Variants in DAB1 observed in about 807,000 individuals in gnomAD.
DAB1 encodes DAB adaptor protein 1.
A neutral mutation model predicts 64.6 loss-of-function variants in DAB1; 15 were observed. The observed-to-expected ratio is 0.23, with a 90% confidence interval of 0.16 to 0.36. The LOEUF (loss-of-function observed/expected upper bound fraction) is 0.36. DAB1 is among the 10% of genes least tolerant of loss of function. The pLI, the probability that DAB1 is intolerant of heterozygous loss-of-function variation, is 1.00. For missense variants in DAB1, 596 were observed against 706.7 expected, an observed-to-expected ratio of 0.84 and a Z score of 1.78; for synonymous variants, 235 against 251.9, an observed-to-expected ratio of 0.93 and a Z score of 0.64.
chr1:57,596,921 C>A (rs1263510843), intron 7 of DAB1, among the ~76,000 whole-genome samples: 2 of 152,160 alleles, frequency 1.3e-5, no homozygotes, highest in Non-Finnish European at 2.9e-5. Context: ...TACTAATTAC[C>A]AATGTTTACA....
chr1:57,077,220 T>A (rs1386999286), intron 4 of DAB1, among the ~76,000 whole-genome samples: 1 of 152,152 alleles, frequency 6.6e-6, no homozygotes, highest in East Asian at 1.9e-4. Context: ...GGCAGCTAGG[T>A]TCTGAGAACA....
At chr1:58,331,475 G>A (rs566509515) in intron 4 of DAB1, among the ~76,000 whole-genome samples, 10 of 152,330 alleles carry the variant, frequency 6.6e-5, no homozygotes, top group African/African-American at 2.4e-4. Flanking sequence ...TATACTGTGA[G>A]TAACATGCTA....
At chr1:58,126,532 T>G (rs1045503240) in intron 5 of DAB1, among the ~76,000 whole-genome samples, 11 of 151,982 alleles carry the variant, frequency 7.2e-5, no homozygotes, top group East Asian at 3.9e-4. Context: ...TGTATACATG[T>G]GCCATGCTGG....
intron 5 of DAB1, among the ~76,000 whole-genome samples, chr1:58,058,059 G>A (rs916351064): frequency 1.3e-5 from 2 of 152,068 alleles, no homozygotes; most frequent in African/African-American, 4.8e-5. Context: ...TTATATGACT[G>A]GTTGTAACAC....
At chr1:58,066,331 C>A (rs1470387283) in intron 5 of DAB1, among the ~76,000 whole-genome samples, 2 of 152,114 alleles carry the variant, frequency 1.3e-5, no homozygotes, top group Non-Finnish European at 2.9e-5. Flanking sequence ...TTCAGCATGG[C>A]CTGTGGTTTG....
chr1:58,152,589 A>C (rs1010877021), intron 4 of DAB1, among the ~76,000 whole-genome samples: 4 of 152,204 alleles, frequency 2.6e-5, no homozygotes, highest in African/African-American at 9.6e-5. Flanking sequence ...CTGTCACACA[A>C]GGTTATCATT....
chr1:58,176,212 G>C (rs1435777057), intron 4 of DAB1, among the ~76,000 whole-genome samples: 2 of 152,066 alleles, frequency 1.3e-5, no homozygotes. Context: ...CTTTACATAG[G>C]TGAAGAAAAC....
intron 1 of DAB1, among the ~76,000 whole-genome samples, chr1:57,392,285 A>G (rs988479515): frequency 1.3e-5 from 2 of 152,054 alleles, no homozygotes; most frequent in African/African-American, 4.8e-5. Flanking sequence ...AGGCAGGAGA[A>G]TTGCTTGAAC....
chr1:57,563,861 G>A (rs1645083765), intron 7 of DAB1, among the ~76,000 whole-genome samples: 1 of 152,198 alleles, frequency 6.6e-6, no homozygotes, highest in African/African-American at 2.4e-5. Context: ...CCATCTCTGG[G>A]GGCAGGGCAT....
At chr1:58,343,920 A>G (rs2100507892) in intron 3 of DAB1, among the ~76,000 whole-genome samples, 1 of 152,354 alleles carries the variant, frequency 6.6e-6, no homozygotes, top group East Asian at 1.9e-4. Context: ...GGACTCTGTG[A>G]GAGCACAGAA....
chr1:57,691,943 G>A (rs1646769491), intron 6 of DAB1, among the ~76,000 whole-genome samples: 1 of 152,068 alleles, frequency 6.6e-6, no homozygotes, highest in South Asian at 2.1e-4. Flanking sequence ...TGGGTGTCAG[G>A]CTTTCTGGGA....
At chr1:58,020,255 T>G (rs1646797329) in intron 5 of DAB1, among the ~76,000 whole-genome samples, 1 of 152,212 alleles carries the variant, frequency 6.6e-6, no homozygotes, top group South Asian at 2.1e-4. Context: ...AGCTCTCTTC[T>G]TTTTACTTCA....
chr1:57,951,114 A>G (rs1253656851), intron 5 of DAB1, among the ~76,000 whole-genome samples: 6 of 151,816 alleles, frequency 4.0e-5, no homozygotes, highest in Non-Finnish European at 8.8e-5. Context: ...AATTTATTAG[A>G]CCCTGGCACA....
chr1:57,574,550 C>T (rs1289834691), intron 7 of DAB1, among the ~76,000 whole-genome samples: 2 of 152,138 alleles, frequency 1.3e-5, no homozygotes, highest in South Asian at 2.1e-4. Flanking sequence ...CTGACCAGTA[C>T]GAGATTCAAT....
chr1:57,693,573 A>G (rs530821757), intron 6 of DAB1, among the ~76,000 whole-genome samples: 60 of 152,338 alleles, frequency 3.9e-4, no homozygotes, highest in African/African-American at 1.4e-3. Flanking sequence ...TGGCTAACCA[A>G]GACAGCAGCG....
At chr1:58,430,345 A>G (rs924347780) in intron 3 of DAB1, among the ~76,000 whole-genome samples, 31 of 133,262 alleles carry the variant, frequency 2.3e-4, no homozygotes, top group African/African-American at 1.1e-3. Flanking sequence ...GAGGACTTCA[A>G]TCAGAGAAGA....
intron 2 of DAB1, among the ~76,000 whole-genome samples, chr1:57,246,033 T>C (rs1236317702): frequency 6.6e-6 from 1 of 152,250 alleles, no homozygotes; most frequent in African/African-American, 2.4e-5. Flanking sequence ...CATAAAAATT[T>C]GGTAAATTTG....
intron 6 of DAB1, among the ~76,000 whole-genome samples, chr1:57,745,066 T>C (rs2101795926): frequency 6.6e-6 from 1 of 152,338 alleles, no homozygotes; most frequent in African/African-American, 2.4e-5. Context: ...TGCCATTTAG[T>C]AATTGGTAAT....
At chr1:57,275,415 T>C (rs1332824549) in intron 2 of DAB1, among the ~76,000 whole-genome samples, 2 of 152,180 alleles carry the variant, frequency 1.3e-5, no homozygotes, top group African/African-American at 4.8e-5. Flanking sequence ...ATAGGAAAGA[T>C]GACCAGAACT....
Sources: gnomAD v4.1 joint callset for allele counts (sites outside exome capture counted in the v4.1 genomes callset) on GRCh38, gnomAD v4.1.1 for gene constraint, MANE v1.5 for transcripts, NCBI Gene and HGNC (gene_info 2026-07-23, HGNC 2026-07-21) for gene names.